Variants in FMNL2 observed in about 807,000 individuals in gnomAD.
The protein encoded by FMNL2 is formin-like protein 2.
Under a neutral mutation model 130.2 loss-of-function variants are expected in FMNL2, and 51 were observed. The observed-to-expected ratio is 0.39, with a 90% CI of 0.31 to 0.49. FMNL2 has a LOEUF of 0.49. Among genes scored for constraint, FMNL2 ranks in the 20% least tolerant of loss-of-function variants. FMNL2 has a pLI of 0.85. For missense variants in FMNL2, 977 were observed against 1,316.2 expected, an observed-to-expected ratio of 0.74 and a Z score of 3.99; for synonymous variants, 465 against 467.1, an observed-to-expected ratio of 1.00 and a Z score of 0.06.
At chr2:152,428,665 A>G (rs746894971) in intron 1 of FMNL2, among the ~76,000 whole-genome samples, 1 of 152,158 alleles carries the variant, frequency 6.6e-6, no homozygotes, top group Non-Finnish European at 1.5e-5. Context: ...TAGAATATCT[A>G]GGGAGGTTGA....
intron 1 of FMNL2, chr2:152,390,642 C>T: frequency 1.2e-6 from 1 of 868,576 alleles, no homozygotes. Flanking sequence ...CTAGCCCGTG[C>T]TTTTTCCTCC....
chr2:152,380,353 A>G (rs1684393808), intron 1 of FMNL2, among the ~76,000 whole-genome samples: 1 of 152,238 alleles, frequency 6.6e-6, no homozygotes, highest in Non-Finnish European at 1.5e-5. Flanking sequence ...AATATTTTGT[A>G]AAAAGTGAAA....
At chr2:152,470,723 TG>T (rs1227668451) in intron 1 of FMNL2, among the ~76,000 whole-genome samples, 1 of 152,170 alleles carries the variant, frequency 6.6e-6, no homozygotes, top group Non-Finnish European at 1.5e-5. Context: ...GGATTTGAAT[TG>T]TATTATGGAA....
chr2:152,519,585 G>C (rs1692964815), intron 1 of FMNL2, among the ~76,000 whole-genome samples: 1 of 152,144 alleles, frequency 6.6e-6, no homozygotes, highest in Non-Finnish European at 1.5e-5. Context: ...AAAAAAGCTT[G>C]GTGGCATATT....
intron 1 of FMNL2, among the ~76,000 whole-genome samples, chr2:152,491,916 A>T (rs1410201861): frequency 6.6e-6 from 1 of 152,176 alleles, no homozygotes; most frequent in African/African-American, 2.4e-5. Context: ...GTGCTACTGC[A>T]CTCCAGCCTG....
chr2:152,634,561 C>G (rs1255302525), intron 21 of FMNL2, among the ~76,000 whole-genome samples: 1 of 152,230 alleles, frequency 6.6e-6, no homozygotes, highest in Admixed American at 6.5e-5. Flanking sequence ...CTAGATTCAA[C>G]AACTCTTGGA....
rs1444008808 is a variant in FMNL2 at position 152,594,627 on chromosome 2, G to C, written c.877-12712G>C. 1.3e-5 allele frequency among the ~76,000 whole-genome samples: 2 copies of C among 152,298 alleles called. 1 individual carries two copies. The highest frequency in any genetic ancestry group is 4.1e-4 in the South Asian group (2 of 4,826). ...CCGCACGAGGTACTGTTGAGGACTT[G>C]TCTGTGGAAGAAGCATCCCTGGCTT... On this transcript the variant is annotated intron_variant, in intron 9 of 25. Transcript: ENST00000288670.
Position 152,433,015 on chromosome 2 carries a change from G to A in FMNL2, c.118-88928G>A, listed in dbSNP as rs34416306. The stretch of plus-strand genomic sequence containing the variant: ...TCTGCCTCTGCTCTATACTAGCAGC[G>A]CTTACCTCATGGAGCTGTTAGCATT... On this transcript the variant is annotated intron_variant, in intron 1 of 25. Transcript: ENST00000288670. Among the ~76,000 whole-genome samples, 1,310 of 152,310 alleles carry A rather than the reference G, an allele frequency of 8.6e-3. 11 individuals carry two copies. The highest frequency in any genetic ancestry group is 0.024 in the African/African-American group (1,015 of 41,560).
At chr2:152,551,978 A>G (rs1694962177) in intron 4 of FMNL2, among the ~76,000 whole-genome samples, 1 of 152,254 alleles carries the variant, frequency 6.6e-6, no homozygotes, top group Non-Finnish European at 1.5e-5. Context: ...TCTCTGAGTA[A>G]CAGAGTGAGA....
intron 1 of FMNL2, among the ~76,000 whole-genome samples, chr2:152,341,897 T>C (rs1160028799): frequency 6.6e-6 from 1 of 152,146 alleles, no homozygotes; most frequent in Admixed American, 6.5e-5. Context: ...ATTCAGATAA[T>C]CTGTGTGACA....
At chr2:152,619,811 T>TG in intron 15 of FMNL2, 93 bp downstream of exon 15, 1 of 1,520,276 alleles carries the variant, frequency 6.6e-7, no homozygotes, top group Non-Finnish European at 8.8e-7. Context: ...CCAGGTCTCT[T>TG]GCAATGATGT....
intron 1 of FMNL2, among the ~76,000 whole-genome samples, chr2:152,453,655 G>C (rs1305957485): frequency 6.6e-6 from 1 of 152,192 alleles, no homozygotes; most frequent in Non-Finnish European, 1.5e-5. Flanking sequence ...CTGAATGAGA[G>C]AGGAGAGGGA....
At chr2:152,507,035 T>C (rs1273727255) in intron 1 of FMNL2, among the ~76,000 whole-genome samples, 1 of 152,226 alleles carries the variant, frequency 6.6e-6, no homozygotes, top group East Asian at 1.9e-4. Flanking sequence ...GGTAAGATGT[T>C]ATGGAAAGGA....
chr2:152,452,199 G>A (rs923360626), intron 1 of FMNL2, among the ~76,000 whole-genome samples: 3 of 152,112 alleles, frequency 2.0e-5, no homozygotes, highest in African/African-American at 4.8e-5. Context: ...CTTGCTCCCC[G>A]AAAGACAGTT....
At chr2:152,438,383 G>A (rs2106119438) in intron 1 of FMNL2, among the ~76,000 whole-genome samples, 1 of 152,314 alleles carries the variant, frequency 6.6e-6, no homozygotes, top group Middle Eastern at 3.4e-3. Context: ...CCTTAAGTGG[G>A]TGATGCAGGT....
At chr2:152,643,709 C>G in intron 25 of FMNL2, 1 of 985,418 alleles carries the variant, frequency 1.0e-6, no homozygotes, top group Non-Finnish European at 1.2e-6. Flanking sequence ...TGGCCACTTT[C>G]AATACATGTA....
chr2:152,576,546 GT>G (rs1696490697), intron 7 of FMNL2, among the ~76,000 whole-genome samples: 1 of 152,258 alleles, frequency 6.6e-6, no homozygotes, highest in East Asian at 1.9e-4. Context: ...GAGAAGTTTG[GT>G]AATTTGCCTA....
intron 1 of FMNL2, among the ~76,000 whole-genome samples, chr2:152,379,051 C>T (rs947827073): frequency 1.1e-4 from 15 of 135,292 alleles, no homozygotes; most frequent in African/African-American, 3.8e-4. Context: ...AGGTATCTTT[C>T]TGATGACTGT....
chr2:152,503,725 G>A (rs902496378), intron 1 of FMNL2, among the ~76,000 whole-genome samples: 5 of 152,140 alleles, frequency 3.3e-5, no homozygotes, highest in Non-Finnish European at 7.3e-5. Context: ...GGGTAAGGAG[G>A]GAACTGCAGA....
Sources: allele counts gnomAD v4.1 joint callset (sites outside exome capture counted in the v4.1 genomes callset), GRCh38; gene constraint gnomAD v4.1.1; transcripts MANE v1.5; gene names NCBI Gene and HGNC (gene_info 2026-07-23, HGNC 2026-07-21).